Variants in CORIN observed in about 807,000 individuals in gnomAD.
CORIN encodes the protein atrial natriuretic peptide-converting enzyme.
A neutral mutation model predicts 125.3 loss-of-function variants in CORIN; 117 were observed. The observed-to-expected ratio is 0.93, with a 90% CI of 0.80 to 1.09. CORIN has a LOEUF of 1.09. Among genes scored for constraint, CORIN ranks in the 50% least tolerant of loss-of-function variants. The probability of loss-of-function intolerance (pLI) is 0.00; values close to 1 mark genes in which losing one functional copy is unlikely to be tolerated. For synonymous variants in CORIN, 450 were observed against 466.4 expected, an observed-to-expected ratio of 0.96 and a Z score of 0.45; for missense variants, 1,253 against 1,306.7, an observed-to-expected ratio of 0.96 and a Z score of 0.63.
chr4:47,668,505 A>C (rs1003335860), intron 10 of CORIN, among the ~76,000 whole-genome samples: 1 of 152,228 alleles, frequency 6.6e-6, no homozygotes, highest in African/African-American at 2.4e-5. Context: ...ACAAGTCAGC[A>C]CATGCAGCTC....
intron 19 of CORIN, among the ~76,000 whole-genome samples, chr4:47,615,990 G>A (rs1185720459): frequency 3.3e-5 from 5 of 152,194 alleles, no homozygotes; most frequent in African/African-American, 7.2e-5. Flanking sequence ...TTAGCGAACC[G>A]ATGGATGATG....
intron 2 of CORIN, among the ~76,000 whole-genome samples, chr4:47,792,882 A>G (rs1731139159): frequency 6.6e-6 from 1 of 152,192 alleles, no homozygotes. Flanking sequence ...CCATCTTGCA[A>G]AGGACATGTA....
chr4:47,822,649 G>T (rs1429987411), intron 1 of CORIN, among the ~76,000 whole-genome samples: 7 of 152,224 alleles, frequency 4.6e-5, no homozygotes, highest in Non-Finnish European at 1.0e-4. Context: ...TAACACAAAA[G>T]TGATGTTGCA....
At chr4:47,622,981 C>T (rs1486023990) in intron 19 of CORIN, among the ~76,000 whole-genome samples, 1 of 151,912 alleles carries the variant, frequency 6.6e-6, no homozygotes, top group East Asian at 1.9e-4. Flanking sequence ...CTCTAATTTT[C>T]TCACCTTGTT....
At chr4:47,615,749 A>G (rs530142183) in intron 19 of CORIN, among the ~76,000 whole-genome samples, 1 of 152,292 alleles carries the variant, frequency 6.6e-6, no homozygotes, top group African/African-American at 2.4e-5. Context: ...CTTGATCCTG[A>G]ACTTCTAGCC....
intron 5 of CORIN, among the ~76,000 whole-genome samples, chr4:47,694,681 C>T (rs1725906288): frequency 6.6e-6 from 1 of 152,136 alleles, no homozygotes; most frequent in South Asian, 2.1e-4. Context: ...TGTTATAGTT[C>T]CCATCATGTT....
At chr4:47,695,406 T>C (rs1301649179) in intron 5 of CORIN, among the ~76,000 whole-genome samples, 1 of 152,212 alleles carries the variant, frequency 6.6e-6, no homozygotes, top group Non-Finnish European at 1.5e-5. Flanking sequence ...AACTGAAAGC[T>C]CAAGATTCAA....
chr4:47,599,110 T>A (rs1319073238), intron 21 of CORIN, among the ~76,000 whole-genome samples: 1 of 152,164 alleles, frequency 6.6e-6, no homozygotes, highest in Non-Finnish European at 1.5e-5. Context: ...ACCCACATCA[T>A]GCTGCCTCCT....
intron 13 of CORIN, among the ~76,000 whole-genome samples, chr4:47,649,450 G>T (rs1050015949): frequency 1.3e-5 from 2 of 152,222 alleles, no homozygotes; most frequent in African/African-American, 4.8e-5. Context: ...CAAGGGAGAT[G>T]GCTGGGGCAG....
In CORIN at chr4:47,806,937, G is replaced by T; in HGVS notation, c.174C>A (p.Leu58=). ...LLVLIPCICA[L]VLLLVILLSY... ...AAAGCAGGATCACCAGCAAGAGAAC[G>T]AGAGCACAGATACATGGAATCAGGA... Residue 58 remains leucine (L), a synonymous_variant, in exon 2 of 22, where the codon CTC becomes CTA. Coordinates refer to ENST00000273857, the MANE Select transcript of CORIN (RefSeq NM_006587.4). The T allele has an allele frequency of 6.2e-7, 1 of 1,613,682 alleles. No homozygotes were observed. Among genetic ancestry groups the T allele is most frequent in the Non-Finnish European group, 8.5e-7 (1 of 1,179,788 alleles).
intron 5 of CORIN, among the ~76,000 whole-genome samples, chr4:47,730,367 G>C (rs1727816141): frequency 6.6e-6 from 1 of 151,870 alleles, no homozygotes; most frequent in Non-Finnish European, 1.5e-5. Flanking sequence ...TAGCTACTCG[G>C]GAGGCTGAGG....
In CORIN at chr4:47,626,325, T is replaced by C. The variant is rs550504139; in HGVS notation, c.2315+80A>G. On this transcript the variant is annotated intron_variant, in intron 17 of 21. Transcript: ENST00000273857. ...ATGACAAATTTGGATTATCTTAAGT[T>C]AAAAAATGGAAGAAAGGCCCAATGA... 44 of 875,470 alleles carry C rather than the reference T, an allele frequency of 5.0e-5. No individual in the cohort carries two copies. In the African/African-American group the frequency reaches 7.2e-4, roughly 14 times the overall value. 54.2% of individuals were successfully genotyped at this position (875,470 alleles called of 1,614,324 possible). A position where few individuals can be genotyped will look rare whatever the true frequency, so the allele number is the denominator to read the frequency against.
At chr4:47,748,480 T>C (rs2109844098) in intron 4 of CORIN, among the ~76,000 whole-genome samples, 1 of 152,360 alleles carries the variant, frequency 6.6e-6, no homozygotes, top group Non-Finnish European at 1.5e-5. Context: ...AAAGCTTTTA[T>C]ACCTCCTCTA....
intron 19 of CORIN, among the ~76,000 whole-genome samples, chr4:47,613,440 G>A (rs934825559): frequency 3.3e-5 from 5 of 152,114 alleles, no homozygotes; most frequent in East Asian, 1.9e-4. Flanking sequence ...GCAACAGAGC[G>A]AGACTCCGTC....
At chr4:47,720,701 T>C (rs1359887767) in intron 5 of CORIN, among the ~76,000 whole-genome samples, 3 of 152,238 alleles carry the variant, frequency 2.0e-5, no homozygotes, top group Non-Finnish European at 4.4e-5. Context: ...ATTTATGCTA[T>C]TAAGTGCCTG....
chr4:47,623,117 T>TATATATATATATATATACACACACAC (rs141525347), intron 19 of CORIN, among the ~76,000 whole-genome samples: 1 of 134,522 alleles, frequency 7.4e-6, no homozygotes, highest in Admixed American at 7.4e-5. Context: ...TATATATATA[T>TATATATATATATATATACACACACAC]ACACACACAC....
At chr4:47,744,283 G>T in intron 5 of CORIN, 119 bp downstream of exon 5, 1 of 947,232 alleles carries the variant, frequency 1.1e-6, no homozygotes, top group Non-Finnish European at 1.6e-6. Context: ...CTGGTTACAT[G>T]GATCTTGTCA....
intron 19 of CORIN, among the ~76,000 whole-genome samples, chr4:47,603,969 G>C (rs1421190094): frequency 2.0e-5 from 3 of 152,168 alleles, no homozygotes; most frequent in Non-Finnish European, 4.4e-5. Context: ...ATAATGAAAA[G>C]CTATGAAGAA....
Position 47,747,513 on chromosome 4 carries a change from T to G in CORIN, c.618-2930A>C, listed in dbSNP as rs1728713340. Among the ~76,000 whole-genome samples the G allele has an allele frequency of 2.1e-5, 3 of 139,538 alleles. No homozygotes were observed. In the South Asian group the frequency reaches 6.2e-4, roughly 29 times the overall value. 91.5% of individuals were successfully genotyped at this position (139,538 alleles called of 152,430 possible). Reference sequence around the variant, plus strand: ...ACTGAGTTATTTTATTTTATTTTATTTCATTTCATTTCATTTCATTTTATT... The same window carrying G: ...ACTGAGTTATTTTATTTTATTTTATGTCATTTCATTTCATTTCATTTTATT... On this transcript the variant is annotated intron_variant, in intron 4 of 21. Transcript: ENST00000273857.
Sources: allele counts gnomAD v4.1 joint callset (sites outside exome capture counted in the v4.1 genomes callset), GRCh38; gene constraint gnomAD v4.1.1; transcripts MANE v1.5; gene names NCBI Gene and HGNC (gene_info 2026-07-23, HGNC 2026-07-21).